Variants in CDH8 observed in about 807,000 individuals in gnomAD.
CDH8 encodes cadherin-8.
A neutral mutation model predicts 68.1 loss-of-function variants in CDH8; 17 were observed. The observed-to-expected ratio is 0.25, with a 90% CI of 0.17 to 0.37. The LOEUF (loss-of-function observed/expected upper bound fraction) is 0.37, where lower values mean the gene tolerates loss of function less well. Among genes scored for constraint, CDH8 ranks in the 10% least tolerant of loss-of-function variants. The pLI is 1.00. For synonymous variants in CDH8, 372 were observed against 365.1 expected (o/e 1.02, Z -0.21); for missense variants, 763 against 999.3 (o/e 0.76, Z 3.19).
chr16:61,679,782 G>T (rs1373497401), intron 10 of CDH8, among the ~76,000 whole-genome samples: 3 of 152,026 alleles, frequency 2.0e-5, no homozygotes, highest in South Asian at 2.1e-4. Flanking sequence ...GCTCTAGTTT[G>T]TTCCATTCCT....
chr16:61,686,707 A>G (rs1489374567), intron 10 of CDH8, among the ~76,000 whole-genome samples: 3 of 152,006 alleles, frequency 2.0e-5, no homozygotes, highest in East Asian at 3.9e-4. Flanking sequence ...GTAAAGAAAA[A>G]GAGATATTTT....
At chr16:61,857,029 A>T in intron 4 of CDH8, 90 bp downstream of exon 4, 1 of 1,451,846 alleles carries the variant, frequency 6.9e-7, no homozygotes, top group Non-Finnish European at 9.6e-7. Flanking sequence ...TGAAGTACTT[A>T]CACATAATAT....
intron 8 of CDH8, among the ~76,000 whole-genome samples, chr16:61,788,425 C>T (rs1306119606): frequency 6.6e-6 from 1 of 152,002 alleles, no homozygotes; most frequent in African/African-American, 2.4e-5. Flanking sequence ...ATTCCCTTTA[C>T]CTCAACTCTC....
At chr16:61,804,668 C>T (rs1418504518) in intron 7 of CDH8, among the ~76,000 whole-genome samples, 1 of 150,564 alleles carries the variant, frequency 6.6e-6, no homozygotes, top group Non-Finnish European at 1.5e-5. Context: ...ATACAAACTA[C>T]CATCAGAGAA....
At chr16:61,829,211 T>A (rs551164770) in intron 4 of CDH8, among the ~76,000 whole-genome samples, 1 of 151,960 alleles carries the variant, frequency 6.6e-6, no homozygotes, top group East Asian at 1.9e-4. Flanking sequence ...TATTTAGAGA[T>A]ATCGTTAAAG....
intron 7 of CDH8, 92 bp from the exon 8 acceptor site, chr16:61,789,574 T>G: frequency 8.2e-7 from 1 of 1,212,196 alleles, no homozygotes; most frequent in African/African-American, 1.6e-5. Flanking sequence ...AGAGCCATAT[T>G]TGTGAAATCA....
intron 4 of CDH8, among the ~76,000 whole-genome samples, chr16:61,832,421 T>C (rs2143004877): frequency 6.6e-6 from 1 of 151,800 alleles, no homozygotes; most frequent in East Asian, 1.9e-4. Context: ...GACAGATAAA[T>C]AGACTTATAG....
intron 10 of CDH8, among the ~76,000 whole-genome samples, chr16:61,708,698 T>C (rs1567433876): frequency 6.6e-6 from 1 of 152,234 alleles, no homozygotes; most frequent in Non-Finnish European, 1.5e-5. Context: ...TAAATGTCTT[T>C]TTATCAACAG....
intron 8 of CDH8, among the ~76,000 whole-genome samples, chr16:61,754,006 G>A (rs1475721137): frequency 6.6e-6 from 1 of 152,114 alleles, no homozygotes; most frequent in East Asian, 1.9e-4. Context: ...CTACCCGTAA[G>A]AAATGAATGC....
chr16:61,731,092 A>C (rs1419882084), intron 8 of CDH8, among the ~76,000 whole-genome samples: 1 of 151,608 alleles, frequency 6.6e-6, no homozygotes, highest in Non-Finnish European at 1.5e-5. Flanking sequence ...TGGCTCAAAG[A>C]TTTTGCTTGA....
chr16:61,731,053 C>T (rs1421683269), intron 8 of CDH8, among the ~76,000 whole-genome samples: 2 of 151,642 alleles, frequency 1.3e-5, no homozygotes, highest in African/African-American at 4.8e-5. Context: ...CAAAGCACTT[C>T]ACTCCTAAAG....
At chr16:61,926,253 T>C (rs1567531533) in intron 2 of CDH8, among the ~76,000 whole-genome samples, 1 of 151,112 alleles carries the variant, frequency 6.6e-6, no homozygotes, top group Non-Finnish European at 1.5e-5. Context: ...AAGAATGAAA[T>C]AGAATAAACA....
intron 10 of CDH8, among the ~76,000 whole-genome samples, chr16:61,676,886 A>G (rs1180823806): frequency 6.6e-6 from 1 of 152,052 alleles, no homozygotes; most frequent in African/African-American, 2.4e-5. Flanking sequence ...CTGCAAAGAG[A>G]GATAAGAAAA....
chr16:62,014,648 C>A (rs2150606942), intron 2 of CDH8, among the ~76,000 whole-genome samples: 1 of 152,270 alleles, frequency 6.6e-6, no homozygotes, highest in African/African-American at 2.4e-5. Context: ...TCATACTAAG[C>A]ACCACCCAAA....
intron 4 of CDH8, among the ~76,000 whole-genome samples, chr16:61,855,219 T>C (rs1963020085): frequency 6.6e-6 from 1 of 152,160 alleles, no homozygotes; most frequent in African/African-American, 2.4e-5. Flanking sequence ...AAAATGAGTT[T>C]GTGTTGATAT....
intron 3 of CDH8, 96 bp from the exon 4 acceptor site, chr16:61,857,334 T>C: frequency 9.2e-7 from 1 of 1,088,558 alleles, no homozygotes; most frequent in South Asian, 1.4e-5. Context: ...AATCCATGTG[T>C]AGGGAATAAA....
chr16:61,882,001 C>G lies in CDH8; in HGVS notation c.547+19178G>C, dbSNP rs549509483. Among the ~76,000 whole-genome samples the G allele has an allele frequency of 1.3e-4, 20 of 152,196 alleles. No individual in the cohort carries two copies. The East Asian group carries it at 3.5e-3, about 26-fold the overall frequency. On this transcript the variant is annotated intron_variant, in intron 3 of 11. Coordinates refer to ENST00000577390, the MANE Select transcript of CDH8 (RefSeq NM_001796.5). ...AGCTCTGTAGAACTTAAAGCACTAT[C>G]GAGTTATCTAATAATTCAGGCAAAA...
intron 9 of CDH8, among the ~76,000 whole-genome samples, chr16:61,720,017 AC>A (rs1959205327): frequency 6.6e-6 from 1 of 151,002 alleles, no homozygotes; most frequent in Non-Finnish European, 1.5e-5. Flanking sequence ...ACACACACAC[AC>A]ACACACCAAA....
In CDH8 at chr16:61,713,444, T is replaced by G. The variant is rs973677727; in HGVS notation, c.1654+397A>C. 2.0e-5 allele frequency among the ~76,000 whole-genome samples: 3 copies of G among 151,620 alleles called. No homozygotes were observed. In the East Asian group the frequency reaches 5.8e-4, roughly 29 times the overall value. On this transcript the variant is annotated intron_variant, in intron 10 of 11. Coordinates refer to ENST00000577390, the MANE Select transcript of CDH8 (RefSeq NM_001796.5). ...TGTGTACTCACAAACCAGGCAAAATTAGAATAGCTTTCCCTAAAGACGTGG... is the reference window on the plus strand; with the variant it reads ...TGTGTACTCACAAACCAGGCAAAATGAGAATAGCTTTCCCTAAAGACGTGG...
Sources: allele counts gnomAD v4.1 joint callset (sites outside exome capture counted in the v4.1 genomes callset), GRCh38; gene constraint gnomAD v4.1.1; transcripts MANE v1.5; gene names NCBI Gene and HGNC (gene_info 2026-07-23, HGNC 2026-07-21).